Variants in CCDC77 observed in about 807,000 individuals in gnomAD.
CCDC77 encodes the protein coiled-coil domain-containing protein 77.
A neutral mutation model predicts 66.8 loss-of-function variants in CCDC77; 56 were observed. That is an observed-to-expected ratio of 0.84 (90% CI 0.68 to 1.05). The LOEUF is 1.05. CCDC77 is among the 50% of genes least tolerant of loss of function. CCDC77 has a pLI of 0.00. For synonymous variants in CCDC77, 196 were observed against 195.2 expected (o/e 1.00, Z -0.03); for missense variants, 570 against 576.8 (o/e 0.99, Z 0.12).
rs1051983804 is a variant in CCDC77 at position 432,284 on chromosome 12, C to T, written c.672+330C>T. 7.9e-5 allele frequency among the ~76,000 whole-genome samples: 12 copies of T among 152,234 alleles called. No individual in the cohort carries two copies. In the South Asian group the frequency reaches 8.3e-4, roughly 11 times the overall value. On this transcript the variant is annotated intron_variant, in intron 8 of 12. Transcript: ENST00000239830. ...AAGCTTGTCTATGCTGATAGATCAA[C>T]ATTTGATGGTATATTCATTTATTTA...
At chr12:398,891 C>G (rs555946347), upstream of CCDC77, among the ~76,000 whole-genome samples, 1 of 151,932 alleles carries the variant, frequency 6.6e-6, no homozygotes, top group Non-Finnish European at 1.5e-5. Flanking sequence ...TCCCAAGTAG[C>G]CAGGTGCATG....
intron 5 of CCDC77, among the ~76,000 whole-genome samples, chr12:425,292 C>G (rs1945506574): frequency 7.6e-6 from 1 of 132,036 alleles, no homozygotes; most frequent in Non-Finnish European, 1.5e-5. Flanking sequence ...GATCTACTAG[C>G]ATGGCAGAAG....
At chr12:411,628 A>G (rs1945113154) in intron 3 of CCDC77, 119 bp from the exon 4 acceptor site, 1 of 853,762 alleles carries the variant, frequency 1.2e-6, no homozygotes, top group African/African-American at 1.7e-5. Context: ...AAACTTCCAA[A>G]TTTATGAGCA....
chr12:396,766 A>G (rs574493585), upstream of CCDC77, among the ~76,000 whole-genome samples: 3 of 151,962 alleles, frequency 2.0e-5, no homozygotes, highest in East Asian at 5.8e-4. Context: ...TCCTGTGTTC[A>G]GGAGATGACC....
intron 2 of CCDC77, 143 bp from the exon 3 acceptor site, chr12:409,225 G>GA (rs530689839): frequency 0.025 from 9,666 of 387,148 alleles, no homozygotes; most frequent in Middle Eastern, 0.036. Flanking sequence ...AAAAAAAAAA[G>GA]AAAAAAAAAA....
At chr12:401,980 C>T (rs1944904749) in intron 1 of CCDC77, among the ~76,000 whole-genome samples, 3 of 152,142 alleles carry the variant, frequency 2.0e-5, no homozygotes, top group Admixed American at 6.5e-5. Context: ...TGTACTCTAA[C>T]CCCACGCTGG....
At chr12:441,521 C>G (rs1466993631) in intron 12 of CCDC77, among the ~76,000 whole-genome samples, 1 of 152,196 alleles carries the variant, frequency 6.6e-6, no homozygotes, top group East Asian at 1.9e-4. Context: ...CCTGGCCTCT[C>G]TTACTCCTCT....
In CCDC77 at chr12:441,784, A is replaced by G; in HGVS notation, c.1331A>G (p.Asn444Ser). Residue 444 changes from asparagine (N) to serine (S), a missense_variant, in exon 13 of 13, where the codon AAT (asparagine) becomes AGT (serine). By Grantham distance (46) the Asn-to-Ser change is conservative (BLOSUM62 1). Coordinates refer to ENST00000239830, the MANE Select transcript of CCDC77 (RefSeq NM_032358.4). ...LEQMLYKATV[N>S]ARANQDLALL... ...TTTTCAAACCCCTAGGCAACAGTTAATGCCCGGGCAAACCAGGATCTTGCC... is the reference window on the plus strand; with the variant it reads ...TTTTCAAACCCCTAGGCAACAGTTAGTGCCCGGGCAAACCAGGATCTTGCC... The G allele has an allele frequency of 6.2e-7, 1 of 1,610,490 alleles. No homozygotes were observed. Among genetic ancestry groups the G allele is most frequent in the African/African-American group, 1.3e-5 (1 of 74,198 alleles).
At chr12:431,244 G>C (rs1426466896) in intron 7 of CCDC77, among the ~76,000 whole-genome samples, 1 of 128,598 alleles carries the variant, frequency 7.8e-6, no homozygotes, top group Non-Finnish European at 1.6e-5. Flanking sequence ...TTGAGATAGA[G>C]TTTTGCTCCT....
intron 1 of CCDC77, among the ~76,000 whole-genome samples, chr12:403,051 A>G (rs1944926033): frequency 6.6e-6 from 1 of 152,220 alleles, no homozygotes; most frequent in African/African-American, 2.4e-5. Context: ...CAGTGGGACT[A>G]TGGGTGAAAA....
intron 5 of CCDC77, among the ~76,000 whole-genome samples, chr12:419,251 TG>T (rs1238930851): frequency 1.3e-5 from 2 of 152,226 alleles, no homozygotes; most frequent in Non-Finnish European, 2.9e-5. Context: ...CTGAGAATTT[TG>T]TGTCCCCACA....
intron 5 of CCDC77, among the ~76,000 whole-genome samples, chr12:423,470 GTTTTTTGTGTTTTTTTTTGTTTTGTT>G (rs1945457934): frequency 8.9e-5 from 4 of 44,844 alleles, no homozygotes; most frequent in Non-Finnish European, 1.8e-4. Flanking sequence ...TGTTTTTTGT[GTTTTTTGTGTTTTTTTTTGTTTTGTT>G]TTTTTTTTTT....
At chr12:419,468 A>G (rs12819580) in intron 5 of CCDC77, among the ~76,000 whole-genome samples, 2,072 of 136,196 alleles carry the variant, frequency 0.015, 8 homozygotes, top group Non-Finnish European at 0.025. Context: ...TAAAATACAC[A>G]TAGCAGCACA....
Position 440,932 on chromosome 12 carries a change from GCTTTAAGA to G in CCDC77, c.1258_1265del (p.Phe420ArgfsTer3). 1 of 1,613,602 alleles carries G rather than the reference GCTTTAAGA, an allele frequency of 6.2e-7. No homozygotes were observed. Among genetic ancestry groups the G allele is most frequent in the Non-Finnish European group, 8.5e-7 (1 of 1,180,008 alleles). ...CGTCGACGTATCCTGGAAGTAGAAGGCTTTAAGACAGATATTAAAGTTCTCCGACAGAA... is the reference window on the plus strand; with the variant it reads ...CGTCGACGTATCCTGGAAGTAGAAGGCAGATATTAAAGTTCTCCGACAGAA... On this transcript the variant is annotated frameshift_variant, in exon 12 of 13. Transcript: ENST00000239830. LOFTEE classifies it high-confidence loss of function.
At chr12:434,917 G>A (rs771728745) in intron 9 of CCDC77, among the ~76,000 whole-genome samples, 2 of 152,228 alleles carry the variant, frequency 1.3e-5, no homozygotes, top group Non-Finnish European at 2.9e-5. Flanking sequence ...AAACCACGCT[G>A]TTGTTTCTCC....
At chr12:422,243 G>C (rs1177520905) in intron 5 of CCDC77, among the ~76,000 whole-genome samples, 2 of 144,664 alleles carry the variant, frequency 1.4e-5, no homozygotes, top group Non-Finnish European at 3.0e-5. Flanking sequence ...GCTCTTCTGT[G>C]TGTGTGTGCT....
intron 4 of CCDC77, among the ~76,000 whole-genome samples, chr12:416,614 A>G (rs1460467806): frequency 2.0e-5 from 3 of 147,854 alleles, no homozygotes; most frequent in African/African-American, 7.4e-5. Flanking sequence ...GGGTTTTGCC[A>G]TGTTGGTCAG....
At chr12:429,287 C>T (rs1327969285) in intron 6 of CCDC77, among the ~76,000 whole-genome samples, 1 of 152,086 alleles carries the variant, frequency 6.6e-6, no homozygotes, top group Non-Finnish European at 1.5e-5. Context: ...CAGAGATAAT[C>T]CATTAGTAAT....
chr12:423,249 A>C (rs1945445658), intron 5 of CCDC77, among the ~76,000 whole-genome samples: 1 of 144,342 alleles, frequency 6.9e-6, no homozygotes, highest in Non-Finnish European at 1.5e-5. Context: ...TTCAGCCTCC[A>C]AGTAGCTGTG....
Sources: allele counts gnomAD v4.1 joint callset (sites outside exome capture counted in the v4.1 genomes callset), GRCh38; gene constraint gnomAD v4.1.1; transcripts MANE v1.5; gene names NCBI Gene and HGNC (gene_info 2026-07-23, HGNC 2026-07-21).